The following ARHGEF3 variants were observed in gnomAD, a reference collection of about 807,000 sequenced individuals.
The protein encoded by ARHGEF3 is Rho guanine nucleotide exchange factor 3, also known as 59.8 kDA protein.
Under a neutral mutation model 63.2 loss-of-function variants are expected in ARHGEF3, and 28 were observed. The observed-to-expected ratio is 0.44, with a 90% CI of 0.33 to 0.61. The LOEUF (loss-of-function observed/expected upper bound fraction) is 0.61. Ranked by LOEUF, ARHGEF3 falls within the 20% of genes least tolerant of loss-of-function variation. The pLI is 0.03. For synonymous variants in ARHGEF3, 266 were observed against 254.2 expected, an observed-to-expected ratio of 1.05 and a Z score of -0.44; for missense variants, 533 against 659.3, an observed-to-expected ratio of 0.81 and a Z score of 2.10.
rs966340778 is a variant in ARHGEF3, at chr3:56,737,371, G to C, written c.871-16C>G. 1.9e-6 allele frequency: 3 copies of C among 1,599,352 alleles called. No individual in the cohort carries two copies. Among genetic ancestry groups the C allele is most frequent in the African/African-American group, 1.3e-5 (1 of 74,364 alleles). On this transcript the variant is annotated splice_polypyrimidine_tract_variant and intron_variant, in intron 7 of 9. Coordinates refer to ENST00000296315, the MANE Select transcript of ARHGEF3 (RefSeq NM_019555.3). ...TGATATTTATCTATGAAAACAAAGA[G>C]GAAAATTAAGTATGGAGGAAAGCAG...
intron 1 of ARHGEF3, among the ~76,000 whole-genome samples, chr3:57,068,201 G>C (rs533191426): frequency 6.6e-6 from 1 of 151,318 alleles, no homozygotes; most frequent in East Asian, 1.9e-4. Flanking sequence ...CAGGTTACCA[G>C]GTTGCAGTCT....
Position 56,751,263 on chromosome 3 carries a change from C to T in ARHGEF3, c.535+37G>A, listed in dbSNP as rs1053622282. 3 of 1,578,500 alleles carry T rather than the reference C, an allele frequency of 1.9e-6. No individual in the cohort carries two copies. The African/African-American group carries it at 4.1e-5, about 21-fold the overall frequency. On this transcript the variant is annotated intron_variant, in intron 5 of 9. Coordinates refer to ENST00000296315, the MANE Select transcript of ARHGEF3 (RefSeq NM_019555.3). ...TCATTATAAGACAACTCAGTTAAGG[C>T]TACAAGTCACGACTCATCCTGGGAA...
At chr3:57,038,868 A>T (rs1260814056) in intron 1 of ARHGEF3, among the ~76,000 whole-genome samples, 1 of 152,180 alleles carries the variant, frequency 6.6e-6, no homozygotes, top group East Asian at 1.9e-4. Context: ...AAAAGCCAGG[A>T]TCATACCCAT....
chr3:56,835,626 C>T (rs2039083169), intron 4 of ARHGEF3, among the ~76,000 whole-genome samples: 1 of 152,172 alleles, frequency 6.6e-6, no homozygotes, highest in Non-Finnish European at 1.5e-5. Flanking sequence ...ATTGCTATCT[C>T]CACTTCCAAA....
intron 2 of ARHGEF3, among the ~76,000 whole-genome samples, chr3:56,998,071 A>C (rs985253642): frequency 6.6e-6 from 1 of 152,202 alleles, no homozygotes; most frequent in African/African-American, 2.4e-5. Context: ...TCTCAAAGTT[A>C]TTTATGCAAA....
chr3:56,946,173 G>C (rs1230097590), intron 3 of ARHGEF3, among the ~76,000 whole-genome samples: 1 of 152,042 alleles, frequency 6.6e-6, no homozygotes, highest in Non-Finnish European at 1.5e-5. Flanking sequence ...CCACAAAGAT[G>C]GGGAAAAAAC....
At chr3:56,916,218 C>T in intron 3 of ARHGEF3, 4 of 1,446,228 alleles carry the variant, frequency 2.8e-6, no homozygotes, top group Non-Finnish European at 3.7e-6. Context: ...AACACTGCAT[C>T]CTCCCACACC....
At chr3:57,026,003 C>T (rs1703457549) in intron 2 of ARHGEF3, among the ~76,000 whole-genome samples, 1 of 152,166 alleles carries the variant, frequency 6.6e-6, no homozygotes. Context: ...ATTCTCAAGA[C>T]TCCCCCCATT....
chr3:57,044,850 G>T (rs1054980218), intron 1 of ARHGEF3, among the ~76,000 whole-genome samples: 1 of 152,190 alleles, frequency 6.6e-6, no homozygotes, highest in African/African-American at 2.4e-5. Flanking sequence ...AGGCCAAAAG[G>T]TATTCCAATT....
intron 2 of ARHGEF3, among the ~76,000 whole-genome samples, chr3:56,966,096 T>C (rs183069927): frequency 5.9e-4 from 90 of 152,336 alleles, no homozygotes; most frequent in Non-Finnish European, 1.1e-3. Context: ...TACTACTCTA[T>C]TGTTTATAGT....
chr3:56,994,589 A>G (rs969959354), intron 2 of ARHGEF3, among the ~76,000 whole-genome samples: 2 of 152,104 alleles, frequency 1.3e-5, no homozygotes, highest in African/African-American at 4.8e-5. Context: ...CCCTCGCTGA[A>G]GAGTTCATAT....
chr3:57,016,001 G>A (rs967521398), intron 2 of ARHGEF3, among the ~76,000 whole-genome samples: 4 of 151,994 alleles, frequency 2.6e-5, no homozygotes, highest in South Asian at 2.1e-4. Flanking sequence ...ACCTGGGTGC[G>A]TCCTCATATC....
At chr3:56,861,732 A>G (rs939645998) in intron 4 of ARHGEF3, among the ~76,000 whole-genome samples, 3 of 152,134 alleles carry the variant, frequency 2.0e-5, no homozygotes, top group African/African-American at 7.2e-5. Flanking sequence ...GGGAGCAAAG[A>G]GTAGAGTCTG....
intron 3 of ARHGEF3, among the ~76,000 whole-genome samples, chr3:56,951,432 A>G (rs1699809729): frequency 6.6e-6 from 1 of 151,982 alleles, no homozygotes; most frequent in Non-Finnish European, 1.5e-5. Context: ...TAAGATATAT[A>G]TATTTTAGAC....
intron 3 of ARHGEF3, among the ~76,000 whole-genome samples, chr3:56,900,081 G>A (rs1264665392): frequency 6.6e-6 from 1 of 152,158 alleles, no homozygotes; most frequent in Non-Finnish European, 1.5e-5. Context: ...GGGAAGTGAA[G>A]GCTGATGGAT....
chr3:56,861,443 A>T (rs1189476255), intron 4 of ARHGEF3, among the ~76,000 whole-genome samples: 1 of 152,186 alleles, frequency 6.6e-6, no homozygotes, highest in East Asian at 1.9e-4. Context: ...TAAAACCTAG[A>T]TTGCCCAGGT....
chr3:56,758,205 C>T (rs1194150502), intron 2 of ARHGEF3, among the ~76,000 whole-genome samples: 6 of 151,242 alleles, frequency 4.0e-5, no homozygotes, highest in Admixed American at 3.3e-4. Context: ...TGCTTGAACC[C>T]GTGAAGTGGA....
intron 4 of ARHGEF3, among the ~76,000 whole-genome samples, chr3:56,850,753 C>A (rs1683951522): frequency 6.6e-6 from 1 of 152,170 alleles, no homozygotes; most frequent in Non-Finnish European, 1.5e-5. Context: ...CCATTCCAGG[C>A]CTTCAAGGGG....
chr3:56,819,597 G>C (rs2038396518), intron 4 of ARHGEF3, among the ~76,000 whole-genome samples: 1 of 150,316 alleles, frequency 6.7e-6, no homozygotes, highest in Admixed American at 6.7e-5. Context: ...CTGCAGCCTT[G>C]ACCTCCTGGG....
Sources: allele counts gnomAD v4.1 joint callset (sites outside exome capture counted in the v4.1 genomes callset), GRCh38; gene constraint gnomAD v4.1.1; transcripts MANE v1.5; gene names NCBI Gene and HGNC (gene_info 2026-07-23, HGNC 2026-07-21).